RPS12: variants seen among roughly 807,000 people sequenced by gnomAD.
RPS12 encodes small ribosomal subunit protein eS12.
RPS12 carries 1 observed loss-of-function variant against 17.2 expected under a neutral mutation model. The ratio of observed to expected loss-of-function variants is 0.06; its 90% CI spans 0.02 to 0.28. The LOEUF (loss-of-function observed/expected upper bound fraction) is 0.28. Ranked by LOEUF, RPS12 falls within the 10% of genes least tolerant of loss-of-function variation. The probability of loss-of-function intolerance (pLI) is 1.00; values close to 1 mark genes in which losing one functional copy is unlikely to be tolerated. For synonymous variants in RPS12, 67 were observed against 54.0 expected, an observed-to-expected ratio of 1.24 and a Z score of -1.06; for missense variants, 146 against 162.1, an observed-to-expected ratio of 0.90 and a Z score of 0.54.
intron 3 of RPS12, chr6:132,815,751 T>C (rs772135583): frequency 1.9e-4 from 86 of 456,542 alleles, no homozygotes; most frequent in Non-Finnish European, 3.6e-4. Flanking sequence ...ATTTAGTAGG[T>C]CCTAGTATGA....
intron 2 of RPS12, 94 bp downstream of exon 2, chr6:132,814,876 C>T (rs1485370395): frequency 6.3e-6 from 9 of 1,430,370 alleles, no homozygotes; most frequent in South Asian, 1.1e-5. Context: ...AACGGGTCGC[C>T]GTAAGCGCGT....
rs776641950 is a variant in RPS12, at chr6:132,814,781, G to A, written c.13G>A (p.Gly5Ser). The A allele has an allele frequency of 4.3e-6, 7 of 1,613,264 alleles. No homozygotes were observed. In the Admixed American group the frequency reaches 1.2e-4, roughly 27 times the overall value. The change falls in exon 2 of 6, where the codon GGC becomes AGC. Residue 5 changes from glycine (G) to serine (S), a missense_variant and splice_region_variant. Gly to Ser is a moderately conservative substitution (Grantham distance 56). Around this residue, in one of 2 missense-constraint regions of RPS12, gnomAD observed 117 missense variants for 104.6 expected, o/e 1.12. Transcript: ENST00000230050. MAEEGIAAGGVMDVN... is the reference protein window; with the variant it reads MAEESIAAGGVMDVN... ...GTAACCCACCGCCATGGCCGAGGAA[G>A]GGTGAGCCCAGGGGCCGGGGTTGGA...
At chr6:132,815,482 G>A (rs1782028135) in intron 3 of RPS12, 2 of 421,032 alleles carry the variant, frequency 4.8e-6, no homozygotes, top group South Asian at 3.4e-5. Flanking sequence ...TTAATTTAAT[G>A]GAATTTCAAA....
chr6:132,814,837 G>A, intron 2 of RPS12, 55 bp downstream of exon 2: 1 of 1,527,802 alleles, frequency 6.5e-7, no homozygotes, highest in Non-Finnish European at 9.1e-7. Flanking sequence ...GAGGCGTGGG[G>A]CTAGAGCTGG....
chr6:132,815,638 C>G (rs1562280379), intron 3 of RPS12: 5 of 456,666 alleles, frequency 1.1e-5, no homozygotes, highest in South Asian at 7.7e-5. Flanking sequence ...TCAACCTACT[C>G]TTGAGCTGAA....
chr6:132,817,486 G>A lies in RPS12; in HGVS notation c.343G>A (p.Gly115Ser). The A allele has an allele frequency of 6.2e-7, 1 of 1,604,418 alleles. No homozygotes were observed. The highest frequency in any genetic ancestry group is 8.5e-7 in the Non-Finnish European group (1 of 1,173,238). ...GCSCVVVKDYGKESQAKDVIE... is the reference protein window; with the variant it reads ...GCSCVVVKDYSKESQAKDVIE... ...GTGTTTTGTTTTTTTTAAGGACTAT[G>A]GCAAGGAGTCTCAGGCCAAGGATGT... Residue 115 changes from glycine to serine, a missense_variant, in exon 6 of 6, where the codon GGC becomes AGC. By Grantham distance (56) the Gly-to-Ser change is moderately conservative (BLOSUM62 0). This residue lies in a region of RPS12 where 29 missense variants were observed against 57.5 expected (regional missense o/e 0.50). Transcript: ENST00000230050.
intron 2 of RPS12, 42 bp downstream of exon 2, chr6:132,814,824 G>C (rs761838547): frequency 1.3e-6 from 2 of 1,571,194 alleles, no homozygotes; most frequent in African/African-American, 1.4e-5. Flanking sequence ...TCGGGGTGCG[G>C]CTGAGGCGTG....
At chr6:132,815,797 C>A (rs928022845) in intron 3 of RPS12, 1 of 455,174 alleles carries the variant, frequency 2.2e-6, no homozygotes, top group Non-Finnish European at 4.4e-6. Flanking sequence ...TATTGCATGG[C>A]ATTTCATAAC....
At chr6:132,816,930 T>C (rs199576331) in intron 4 of RPS12, 30 bp from the exon 5 acceptor site, 1,584 of 347,226 alleles carry the variant, frequency 4.6e-3, no homozygotes, top group Non-Finnish European at 5.5e-3. Flanking sequence ...TTAATGTGAT[T>C]TTTTTTTTTT....
At position 132,814,679 on chromosome 6, in the gene RPS12, G is replaced by C. The variant is rs535336000; in HGVS notation, c.-37-53G>C. 10 of 1,434,142 alleles carry C rather than the reference G, an allele frequency of 7.0e-6. No homozygotes were observed. In the African/African-American group the frequency reaches 1.3e-4, roughly 18 times the overall value. 88.8% of individuals were successfully genotyped at this position (1,434,142 alleles called of 1,614,324 possible). ...TTTGTGGCTCGTTGCGTTCTTGCTG[G>C]GATTCGTGACGAGTATCTGGTTCTT... On this transcript the variant is annotated intron_variant, in intron 1 of 5. Coordinates refer to ENST00000230050, the MANE Select transcript of RPS12 (RefSeq NM_001016.4).
At chr6:132,815,920 C>T (rs1292626919) in intron 3 of RPS12, 3 of 453,526 alleles carry the variant, frequency 6.6e-6, no homozygotes, top group African/African-American at 2.0e-5. Context: ...TCATTGCAAC[C>T]TCTACCTACC....
chr6:132,815,357 T>A (rs571998965), intron 3 of RPS12: 2 of 628,788 alleles, frequency 3.2e-6, no homozygotes, highest in East Asian at 7.2e-5. Flanking sequence ...CTTTTATGAG[T>A]GAAACATAAG....
intron 5 of RPS12, 72 bp from the exon 6 acceptor site, chr6:132,817,408 A>G (rs1582889101): frequency 2.0e-6 from 2 of 986,784 alleles, no homozygotes; most frequent in African/African-American, 1.6e-5. Context: ...CTCCACTATA[A>G]TTGATACTAA....
intron 4 of RPS12, 25 bp from the exon 5 acceptor site, chr6:132,816,935 T>C: frequency 2.1e-6 from 3 of 1,454,166 alleles, no homozygotes; most frequent in Non-Finnish European, 2.9e-6. Flanking sequence ...GTGATTTTTT[T>C]TTTTTTTAAC....
chr6:132,814,959 T>G lies in RPS12; in HGVS notation c.15-13T>G. On this transcript the variant is annotated splice_polypyrimidine_tract_variant and intron_variant, in intron 2 of 5. Transcript: ENST00000230050. The stretch of plus-strand genomic sequence containing the variant: ...AGGATTTTAACTGATGGTTCTGATG[T>G]GTCGCGTTTAAGCATTGCTGCTGGA... The G allele has an allele frequency of 6.4e-7, 1 of 1,555,536 alleles. No individual in the cohort carries two copies. The highest frequency in any genetic ancestry group is 8.9e-7 in the Non-Finnish European group (1 of 1,126,642).
intron 3 of RPS12, chr6:132,815,339 C>T (rs754447869): frequency 7.5e-6 from 5 of 667,064 alleles, no homozygotes; most frequent in Non-Finnish European, 1.4e-5. Context: ...TCGGATACCC[C>T]TTCACTCCTT....
intron 4 of RPS12, 25 bp from the exon 5 acceptor site, chr6:132,816,935 T>G (rs1191322509): frequency 6.9e-7 from 1 of 1,454,166 alleles, no homozygotes; most frequent in Non-Finnish European, 9.7e-7. Context: ...GTGATTTTTT[T>G]TTTTTTTAAC....
In RPS12 at chr6:132,816,457, T is replaced by C. The variant is rs1582888113; in HGVS notation, c.132-4T>C. On this transcript the variant is annotated splice_polypyrimidine_tract_variant and splice_region_variant and intron_variant, in intron 3 of 5. Coordinates refer to ENST00000230050, the MANE Select transcript of RPS12 (RefSeq NM_001016.4). ...CTCCATTTTCATTGTAATTTGAATT[T>C]CAGGCGCCAAGCCCATCTTTGTGTG... 6.2e-7 allele frequency: 1 copy of C among 1,605,080 alleles called. No homozygotes were observed. The highest frequency in any genetic ancestry group is 8.5e-7 in the Non-Finnish European group (1 of 1,174,342).
At chr6:132,814,689 C>A in intron 1 of RPS12, 43 bp from the exon 2 acceptor site, 2 of 1,498,720 alleles carry the variant, frequency 1.3e-6, no homozygotes, top group Non-Finnish European at 1.9e-6. Context: ...GGATTCGTGA[C>A]GAGTATCTGG....
Sources: allele counts gnomAD v4.1 joint callset, GRCh38; gene constraint gnomAD v4.1.1; regional missense constraint gnomAD v4.1.1; transcripts MANE v1.5; gene names NCBI Gene and HGNC (gene_info 2026-07-23, HGNC 2026-07-21).